The following MAML2 variants were observed in gnomAD, a reference collection of about 807,000 sequenced individuals.
The protein encoded by MAML2 is mastermind-like protein 2.
MAML2 carries 22 observed loss-of-function variants against 96.1 expected under a neutral mutation model. The observed-to-expected ratio is 0.23, with a 90% CI of 0.16 to 0.33. The LOEUF (loss-of-function observed/expected upper bound fraction) is 0.33, where lower values mean the gene tolerates loss of function less well. Ranked by LOEUF, MAML2 falls within the 10% of genes least tolerant of loss-of-function variation. MAML2 has a pLI of 1.00. For synonymous variants in MAML2, 561 were observed against 521.3 expected (o/e 1.08, Z -1.04); for missense variants, 1,367 against 1,392.4 (o/e 0.98, Z 0.29).
intron 2 of MAML2, among the ~76,000 whole-genome samples, chr11:96,033,842 T>C (rs1028164097): frequency 3.9e-5 from 6 of 152,112 alleles, no homozygotes; most frequent in African/African-American, 7.2e-5. Context: ...TTGGATCCAG[T>C]TGGAATTACT....
chr11:96,168,705 G>C (rs988693329), intron 1 of MAML2, among the ~76,000 whole-genome samples: 1 of 152,162 alleles, frequency 6.6e-6, no homozygotes, highest in Non-Finnish European at 1.5e-5. Context: ...ACAGGGACTG[G>C]AGAAATCCTG....
intron 2 of MAML2, among the ~76,000 whole-genome samples, chr11:96,064,992 C>A (rs1016323788): frequency 2.0e-5 from 3 of 152,100 alleles, no homozygotes; most frequent in Admixed American, 6.6e-5. Flanking sequence ...ATGCCATAAA[C>A]CAAGAAGCCA....
At chr11:96,075,537 C>T (rs1285362673) in intron 2 of MAML2, among the ~76,000 whole-genome samples, 2 of 152,156 alleles carry the variant, frequency 1.3e-5, no homozygotes, top group Non-Finnish European at 2.9e-5. Flanking sequence ...CATCAACCAT[C>T]GAACACATAT....
At chr11:96,217,993 A>C (rs181860486) in intron 1 of MAML2, among the ~76,000 whole-genome samples, 17 of 152,316 alleles carry the variant, frequency 1.1e-4, no homozygotes, top group Admixed American at 6.5e-4. Flanking sequence ...TCAAGACTCC[A>C]ATTTACCTTT....
chr11:96,060,589 T>G (rs1859141941), intron 2 of MAML2, among the ~76,000 whole-genome samples: 1 of 152,186 alleles, frequency 6.6e-6, no homozygotes, highest in Non-Finnish European at 1.5e-5. Context: ...AAAGACCTAA[T>G]GAGAAGAAAG....
At chr11:96,247,979 T>C (rs1045591808) in intron 1 of MAML2, among the ~76,000 whole-genome samples, 4 of 152,166 alleles carry the variant, frequency 2.6e-5, no homozygotes, top group African/African-American at 9.6e-5. Flanking sequence ...AAATGTGCTG[T>C]TAGTGTAAAA....
chr11:96,183,132 T>C (rs1473190508), intron 1 of MAML2, among the ~76,000 whole-genome samples: 1 of 151,986 alleles, frequency 6.6e-6, no homozygotes, highest in Non-Finnish European at 1.5e-5. Flanking sequence ...TAATTTTTTG[T>C]ATTTTTAGTA....
intron 1 of MAML2, among the ~76,000 whole-genome samples, chr11:96,324,762 T>C (rs568885017): frequency 1.3e-3 from 202 of 152,292 alleles, no homozygotes; most frequent in African/African-American, 4.6e-3. Context: ...TAAAGTTCCA[T>C]CTAATATATT....
At chr11:96,188,607 A>G (rs1377566036) in intron 1 of MAML2, among the ~76,000 whole-genome samples, 2 of 152,138 alleles carry the variant, frequency 1.3e-5, no homozygotes, top group African/African-American at 4.8e-5. Context: ...TAAGTCCTTT[A>G]AAAAATGAAC....
chr11:96,258,050 TA>T (rs1410045148), intron 1 of MAML2, among the ~76,000 whole-genome samples: 1 of 152,246 alleles, frequency 6.6e-6, no homozygotes, highest in South Asian at 2.1e-4. Context: ...TAAATGCCTT[TA>T]ATTTTTACCG....
intron 1 of MAML2, among the ~76,000 whole-genome samples, chr11:96,162,571 C>A (rs1861126405): frequency 6.6e-6 from 1 of 151,932 alleles, no homozygotes; most frequent in African/African-American, 2.4e-5. Context: ...ATTAGCCGGG[C>A]ATGGTGGTGC....
chr11:95,989,589 T>C (rs1218637545), intron 3 of MAML2, among the ~76,000 whole-genome samples: 1 of 152,188 alleles, frequency 6.6e-6, no homozygotes, highest in Non-Finnish European at 1.5e-5. Context: ...CAACCTTAGA[T>C]TACACATTTT....
At chr11:96,117,708 A>G (rs1348811510) in intron 1 of MAML2, among the ~76,000 whole-genome samples, 1 of 152,188 alleles carries the variant, frequency 6.6e-6, no homozygotes, top group East Asian at 1.9e-4. Context: ...TTCCACTTAG[A>G]TTAGACCAGA....
In MAML2 at chr11:96,074,994, G is replaced by A. The variant is rs571496244; in HGVS notation, c.2139+16898C>T. Reference sequence around the variant, plus strand: ...AGTGACAGAGTGGCAAAAGGAGTAGGCAACAAAGAAACATAGCCGGAAACT... The same window carrying A: ...AGTGACAGAGTGGCAAAAGGAGTAGACAACAAAGAAACATAGCCGGAAACT... On this transcript the variant is annotated intron_variant, in intron 2 of 4. Coordinates refer to ENST00000524717, the MANE Select transcript of MAML2 (RefSeq NM_032427.4). Among the ~76,000 whole-genome samples, 5 of 152,306 alleles carry A rather than the reference G, an allele frequency of 3.3e-5. No homozygotes were observed. The East Asian group carries it at 7.7e-4, about 23-fold the overall frequency.
intron 1 of MAML2, among the ~76,000 whole-genome samples, chr11:96,277,056 A>T (rs1433001336): frequency 6.6e-6 from 1 of 152,136 alleles, no homozygotes; most frequent in East Asian, 1.9e-4. Context: ...CATGAAAGAT[A>T]AGCTCAGATA....
chr11:95,989,865 T>C (rs1349482560), intron 3 of MAML2, among the ~76,000 whole-genome samples: 1 of 152,240 alleles, frequency 6.6e-6, no homozygotes, highest in African/African-American at 2.4e-5. Context: ...ATACGAAACT[T>C]ATTCCACTTG....
At chr11:96,160,654 C>T (rs1461645343) in intron 1 of MAML2, among the ~76,000 whole-genome samples, 2 of 152,182 alleles carry the variant, frequency 1.3e-5, no homozygotes, top group Non-Finnish European at 2.9e-5. Flanking sequence ...TCTCGAACTC[C>T]TGACCTCAGG....
At position 96,254,881 on chromosome 11, in the gene MAML2, G is replaced by T. The variant is rs146549843; in HGVS notation, c.513+86502C>A. The stretch of plus-strand genomic sequence containing the variant: ...TGTCACCCAGGCTGGAGTGCATGGC[G>T]CAATCACAGCTGACTACAGCCTCTC... On this transcript the variant is annotated intron_variant, in intron 1 of 4. Transcript: ENST00000524717. Among the ~76,000 whole-genome samples, 37 of 152,196 alleles carry T rather than the reference G, an allele frequency of 2.4e-4. No individual in the cohort carries two copies. In the South Asian group the frequency reaches 7.3e-3, roughly 30 times the overall value.
At chr11:96,228,077 G>T (rs964978818) in intron 1 of MAML2, among the ~76,000 whole-genome samples, 3 of 152,054 alleles carry the variant, frequency 2.0e-5, no homozygotes, top group Non-Finnish European at 4.4e-5. Context: ...ACTCCAGCCT[G>T]GGGGGAGAAA....
Sources: allele counts gnomAD v4.1 joint callset (sites outside exome capture counted in the v4.1 genomes callset), GRCh38; gene constraint gnomAD v4.1.1; transcripts MANE v1.5; gene names NCBI Gene and HGNC (gene_info 2026-07-23, HGNC 2026-07-21).